LRRC49: variants seen among roughly 807,000 people sequenced by gnomAD.
LRRC49 encodes leucine-rich repeat-containing protein 49.
In LRRC49, 50 loss-of-function variants were observed where a neutral mutation model predicts 83.3. The ratio of observed to expected loss-of-function variants is 0.60; its 90% CI spans 0.48 to 0.76. The LOEUF (loss-of-function observed/expected upper bound fraction) is 0.76, where lower values mean the gene tolerates loss of function less well. Among genes scored for constraint, LRRC49 ranks in the 30% least tolerant of loss-of-function variants. The probability of loss-of-function intolerance (pLI) is 0.00; values close to 1 mark genes in which losing one functional copy is unlikely to be tolerated. For missense variants in LRRC49, 704 were observed against 809.1 expected (o/e 0.87, Z 1.58); for synonymous variants, 286 against 283.3 (o/e 1.01, Z -0.10).
chr15:71,034,836 T>C (rs2039470207), intron 14 of LRRC49, among the ~76,000 whole-genome samples: 1 of 152,148 alleles, frequency 6.6e-6, no homozygotes, highest in Non-Finnish European at 1.5e-5. Flanking sequence ...AAGTGGGAGC[T>C]GAACAATGAG....
intron 15 of LRRC49, among the ~76,000 whole-genome samples, chr15:71,045,286 TGAAA>T (rs1310792045): frequency 1.3e-5 from 2 of 152,234 alleles, no homozygotes; most frequent in Non-Finnish European, 2.9e-5. Context: ...ACAGCAAAGT[TGAAA>T]GAATTTTACA....
At chr15:70,921,265 A>G (rs749220938) in intron 7 of LRRC49, among the ~76,000 whole-genome samples, 7 of 152,212 alleles carry the variant, frequency 4.6e-5, no homozygotes, top group Non-Finnish European at 1.0e-4. Flanking sequence ...CATTTGTGCC[A>G]GGTGAAACTG....
At chr15:70,855,386 G>T (rs1048853178) in intron 1 of LRRC49, among the ~76,000 whole-genome samples, 7 of 150,352 alleles carry the variant, frequency 4.7e-5, no homozygotes, top group Admixed American at 4.6e-4. Flanking sequence ...AGAAGAAAAA[G>T]AAATGAATAA....
At chr15:70,906,458 G>A (rs568836400) in intron 5 of LRRC49, among the ~76,000 whole-genome samples, 2 of 152,262 alleles carry the variant, frequency 1.3e-5, no homozygotes, top group South Asian at 4.2e-4. Context: ...CTTGCTTGCA[G>A]TTATTCTTTA....
chr15:70,868,357 A>G (rs1437826430), intron 1 of LRRC49, among the ~76,000 whole-genome samples: 1 of 152,246 alleles, frequency 6.6e-6, no homozygotes, highest in African/African-American at 2.4e-5. Context: ...CCATCCAATT[A>G]TTACAACTCA....
intron 8 of LRRC49, 106 bp from the exon 9 acceptor site, chr15:70,963,676 TCTC>T (rs1313100822): frequency 4.0e-6 from 5 of 1,255,132 alleles, no homozygotes; most frequent in Non-Finnish European, 5.6e-6. Context: ...TGTACTATCT[TCTC>T]AATTTTTCTG....
chr15:70,932,149 A>T (rs1032203154), intron 7 of LRRC49, among the ~76,000 whole-genome samples: 2 of 152,226 alleles, frequency 1.3e-5, no homozygotes, highest in Non-Finnish European at 2.9e-5. Context: ...ACTGATATCT[A>T]TTGCTGTGTA....
chr15:70,941,947 A>AAT (rs1191737544), intron 8 of LRRC49, among the ~76,000 whole-genome samples: 1 of 151,724 alleles, frequency 6.6e-6, no homozygotes, highest in Non-Finnish European at 1.5e-5. Context: ...CCAACTTATA[A>AAT]ATATATATAT....
intron 8 of LRRC49, among the ~76,000 whole-genome samples, chr15:70,940,683 A>G (rs995663747): frequency 1.1e-4 from 17 of 152,192 alleles, no homozygotes; most frequent in African/African-American, 4.1e-4. Context: ...CCTTAGTTCT[A>G]GTATGCAGCA....
chr15:70,975,690 C>T (rs140796828), intron 9 of LRRC49, among the ~76,000 whole-genome samples: 32 of 152,072 alleles, frequency 2.1e-4, no homozygotes, highest in African/African-American at 7.7e-4. Flanking sequence ...GAGATCCTGT[C>T]TCAAAACAAA....
upstream of LRRC49, among the ~76,000 whole-genome samples, chr15:70,891,442 A>T (rs1388785374): frequency 6.6e-6 from 1 of 152,150 alleles, no homozygotes; most frequent in Non-Finnish European, 1.5e-5. Flanking sequence ...CCTCAAGCTT[A>T]TGTAATGTTA....
chr15:70,968,254 G>A (rs2036864063), intron 9 of LRRC49, among the ~76,000 whole-genome samples: 2 of 152,070 alleles, frequency 1.3e-5, no homozygotes, highest in Non-Finnish European at 2.9e-5. Context: ...TTCTGTCCTT[G>A]CAATAGTTTG....
At chr15:70,886,352 A>C (rs1388382791) in intron 2 of LRRC49, among the ~76,000 whole-genome samples, 1 of 152,218 alleles carries the variant, frequency 6.6e-6, no homozygotes, top group Non-Finnish European at 1.5e-5. Context: ...TGAATTCTAC[A>C]TTTGTGAAAT....
At chr15:70,910,789 T>C (rs769700289) in intron 5 of LRRC49, among the ~76,000 whole-genome samples, 3 of 152,192 alleles carry the variant, frequency 2.0e-5, no homozygotes, top group Non-Finnish European at 4.4e-5. Flanking sequence ...GGCACTGTTA[T>C]GAGTGCTGGG....
At chr15:70,907,252 T>A (rs532478144) in intron 5 of LRRC49, among the ~76,000 whole-genome samples, 1 of 152,328 alleles carries the variant, frequency 6.6e-6, no homozygotes, top group South Asian at 2.1e-4. Context: ...CTTCCCACAT[T>A]ACAAAGCTCT....
At chr15:70,987,450 C>T (rs1187486814) in intron 11 of LRRC49, among the ~76,000 whole-genome samples, 2 of 152,066 alleles carry the variant, frequency 1.3e-5, no homozygotes, top group African/African-American at 4.8e-5. Flanking sequence ...TCTCTGATGG[C>T]AATTTGTATT....
chr15:70,887,557 ATTAT>A (rs2033443651), upstream of LRRC49, among the ~76,000 whole-genome samples: 1 of 152,200 alleles, frequency 6.6e-6, no homozygotes, highest in Non-Finnish European at 1.5e-5. Flanking sequence ...AAAATTCACC[ATTAT>A]TTATAATCTA....
chr15:70,856,885 C>A (rs2032668190), intron 1 of LRRC49, among the ~76,000 whole-genome samples: 1 of 152,168 alleles, frequency 6.6e-6, no homozygotes. Context: ...GAAACCAGGG[C>A]TTTTAAAGGG....
chr15:71,012,992 T>A, intron 14 of LRRC49, 79 bp downstream of exon 14: 1 of 831,002 alleles, frequency 1.2e-6, no homozygotes, highest in Non-Finnish European at 2.0e-6. Flanking sequence ...ACCTCCTAAC[T>A]ATGCTAATTA....
Sources: allele counts gnomAD v4.1 joint callset (sites outside exome capture counted in the v4.1 genomes callset), GRCh38; gene constraint gnomAD v4.1.1; transcripts MANE v1.5; gene names NCBI Gene and HGNC (gene_info 2026-07-23, HGNC 2026-07-21).